The following HOOK1 variants were observed in gnomAD, a reference collection of about 807,000 sequenced individuals.
The protein encoded by HOOK1 is protein Hook homolog 1.
In HOOK1, 60 loss-of-function variants were observed where a neutral mutation model predicts 112.8. That is an observed-to-expected ratio of 0.53 (90% confidence interval 0.43 to 0.66). The LOEUF (loss-of-function observed/expected upper bound fraction) is 0.66. Ranked by LOEUF, HOOK1 falls within the 30% of genes least tolerant of loss-of-function variation. The probability of loss-of-function intolerance (pLI) is 0.00; values close to 1 mark genes in which losing one functional copy is unlikely to be tolerated. For synonymous variants in HOOK1, 294 were observed against 283.8 expected, an observed-to-expected ratio of 1.04 and a Z score of -0.36; for missense variants, 770 against 856.0, an observed-to-expected ratio of 0.90 and a Z score of 1.25.
intron 15 of HOOK1, among the ~76,000 whole-genome samples, chr1:59,861,056 G>A (rs1027443064): frequency 3.3e-5 from 5 of 151,870 alleles, no homozygotes; most frequent in Admixed American, 6.6e-5. Flanking sequence ...GATTACAGGC[G>A]TGAGCCACCA....
chr1:59,834,788 T>C (rs1574188094), intron 5 of HOOK1, among the ~76,000 whole-genome samples: 1 of 152,140 alleles, frequency 6.6e-6, no homozygotes, highest in African/African-American at 2.4e-5. Flanking sequence ...TTAGTCTTTT[T>C]TAAAGAGCCA....
chr1:59,864,582 G>A (rs775333751), intron 16 of HOOK1, 50 bp from the exon 17 acceptor site: 1 of 1,151,108 alleles, frequency 8.7e-7, no homozygotes, highest in Non-Finnish European at 1.3e-6. Context: ...CTGGAAAATT[G>A]ACCTTTGTCA....
chr1:59,821,873 A>T lies in HOOK1; in HGVS notation c.79A>T (p.Thr27Ser). The change falls in exon 2 of 22, where the codon ACT becomes TCT. Residue 27 changes from threonine to serine, a missense_variant. Thr to Ser is a moderately conservative substitution (Grantham distance 58, BLOSUM62 1). This residue lies in a region of HOOK1 where 655 missense variants were observed against 725.9 expected (regional missense o/e 0.90). Transcript: ENST00000371208. ...SLMIWLQTFN[T>S]ASPCQDVKQL... ...GTCATTTTAGCTGCAGACATTCAAT[A>T]CTGCCTCACCTTGTCAAGATGTCAA... is the stretch of plus-strand genomic sequence containing the variant. 6.2e-7 allele frequency: 1 copy of T among 1,600,148 alleles called. No individual in the cohort carries two copies. The highest frequency in any genetic ancestry group is 8.5e-7 in the Non-Finnish European group (1 of 1,174,930).
intron 3 of HOOK1, 28 bp downstream of exon 3, chr1:59,828,880 T>A: frequency 6.4e-7 from 1 of 1,554,358 alleles, no homozygotes; most frequent in Non-Finnish European, 8.9e-7. Context: ...GAGAAGCACT[T>A]GATCCAAACA....
intron 12 of HOOK1, among the ~76,000 whole-genome samples, chr1:59,854,386 G>A (rs2098409441): frequency 6.6e-6 from 1 of 151,878 alleles, no homozygotes; most frequent in African/African-American, 2.4e-5. Context: ...ACCTCTGTTG[G>A]TGGTGTTTCT....
intron 8 of HOOK1, among the ~76,000 whole-genome samples, chr1:59,840,940 C>T (rs1230977404): frequency 6.6e-6 from 1 of 152,140 alleles, no homozygotes; most frequent in Non-Finnish European, 1.5e-5. Context: ...GTTAGATTGT[C>T]AAACCAGGCT....
In HOOK1 at chr1:59,862,893, A is replaced by G. The variant is rs112586917; in HGVS notation, c.1626+16A>G. On this transcript the variant is annotated intron_variant, in intron 16 of 21. Coordinates refer to ENST00000371208, the MANE Select transcript of HOOK1 (RefSeq NM_015888.6). ...AGGCGAAAGTGTAAGTAACTTAGAA[A>G]TTATAATAATTCTGCTGTGTATGGC... 10 of 1,412,512 alleles carry G rather than the reference A, an allele frequency of 7.1e-6. No individual in the cohort carries two copies. In the African/African-American group the frequency reaches 1.3e-4, roughly 18 times the overall value. The allele number at this position is 1,412,512 out of a possible 1,614,324, so 87.5% of individuals were successfully genotyped here. A position where few individuals can be genotyped will look rare whatever the true frequency, so the allele number is the denominator to read the frequency against.
intron 10 of HOOK1, 117 bp from the exon 11 acceptor site, chr1:59,848,197 AC>A: frequency 1.5e-6 from 1 of 689,564 alleles, no homozygotes; most frequent in South Asian, 2.3e-5. Context: ...TCACTCACTC[AC>A]ATTTACTTTT....
At position 59,875,593 on chromosome 1, in the gene HOOK1, T is replaced by A. The variant is rs1644118470; in HGVS notation, c.*2628T>A. The A allele has an allele frequency of 6.6e-6, 1 of 152,416 alleles. No individual in the cohort carries two copies. The allele number at this position is 152,416 out of a possible 1,614,324, so 9.4% of individuals were successfully genotyped here. A position where few individuals can be genotyped will look rare whatever the true frequency, so the allele number is the denominator to read the frequency against. On this transcript the variant is annotated 3_prime_UTR_variant, in exon 22 of 22. Coordinates refer to ENST00000371208, the MANE Select transcript of HOOK1 (RefSeq NM_015888.6). ...GAGTACATATACCAATGAAGAGATA[T>A]TCAGCATTTGTCTATTTGATAAGGA... is the stretch of plus-strand genomic sequence containing the variant.
In HOOK1 at chr1:59,849,181, G is replaced by T. The variant is rs750788083; in HGVS notation, c.1240G>T (p.Glu414Ter). 1.1e-5 allele frequency: 17 copies of T among 1,578,620 alleles called. No individual in the cohort carries two copies. The highest frequency in any genetic ancestry group is 1.5e-5 in the Non-Finnish European group (17 of 1,150,514). Residue 414 changes from glutamate (E) to a stop codon, truncating the protein, a stop_gained and splice_region_variant, in exon 12 of 22, where the codon GAG becomes TAG. Coordinates refer to ENST00000371208, the MANE Select transcript of HOOK1 (RefSeq NM_015888.6). LOFTEE classifies it high-confidence loss of function. The part of the protein sequence containing the change: ...EKHEALLKEK[E>*]RLIEQRDTLK... ...ACATGAAGCTTTACTTAAGGAAAAAGAGGTAAACATAGATATAATTGATAA... is the reference window on the plus strand; with the variant it reads ...ACATGAAGCTTTACTTAAGGAAAAATAGGTAAACATAGATATAATTGATAA...
rs1559045252 is a variant in HOOK1, at chr1:59,828,788, CT to C, written c.160del (p.Trp54GlyfsTer7). ...TTTTGTTGTTGTTTCAGTGATGCAG[CT>C]TGGTTTAACGAATCTTGGTTAAGCC... ...MAQVLHQIDA[A>X]WFNESWLSRI... On this transcript the variant is annotated frameshift_variant, in exon 3 of 22. Transcript: ENST00000371208. LOFTEE classifies it high-confidence loss of function. The C allele has an allele frequency of 2.5e-6, 4 of 1,612,890 alleles. No homozygotes were observed. Among genetic ancestry groups the C allele is most frequent in the Non-Finnish European group, 3.4e-6 (4 of 1,179,442 alleles).
At chr1:59,832,686 A>G (rs1281724184) in intron 4 of HOOK1, among the ~76,000 whole-genome samples, 1 of 152,070 alleles carries the variant, frequency 6.6e-6, no homozygotes, top group East Asian at 1.9e-4. Flanking sequence ...GTTTTTTCTT[A>G]TTCAGCATCA....
chr1:59,827,322 A>T (rs1252338020), intron 2 of HOOK1, among the ~76,000 whole-genome samples: 1 of 152,204 alleles, frequency 6.6e-6, no homozygotes, highest in African/African-American at 2.4e-5. Flanking sequence ...TATCATCTAG[A>T]AAATATCTTC....
chr1:59,820,975 C>A (rs1254820663), intron 1 of HOOK1, among the ~76,000 whole-genome samples: 1 of 152,094 alleles, frequency 6.6e-6, no homozygotes, highest in Non-Finnish European at 1.5e-5. Context: ...TCTGAAAATG[C>A]ACAGAACCAT....
intron 2 of HOOK1, among the ~76,000 whole-genome samples, chr1:59,827,720 G>A (rs2098390997): frequency 6.6e-6 from 1 of 151,514 alleles, no homozygotes; most frequent in South Asian, 2.1e-4. Flanking sequence ...TGAAAGTAGT[G>A]AAGCCATTTT....
intron 15 of HOOK1, among the ~76,000 whole-genome samples, chr1:59,861,358 T>C (rs529327836): frequency 1.3e-5 from 2 of 152,338 alleles, no homozygotes; most frequent in Admixed American, 1.3e-4. Flanking sequence ...ATCCCACTTC[T>C]AATTTAACTT....
rs1275339686 is a variant in HOOK1, at chr1:59,875,651, A to G, written c.*2686A>G. On this transcript the variant is annotated 3_prime_UTR_variant, in exon 22 of 22. Transcript: ENST00000371208. ...GTCCTAGTGATTATAAAGTAAAACCACAGACCAATTTGCAAATGATCTTCA... is the reference window on the plus strand; with the variant it reads ...GTCCTAGTGATTATAAAGTAAAACCGCAGACCAATTTGCAAATGATCTTCA... The G allele has an allele frequency of 6.6e-6, 1 of 152,248 alleles. No homozygotes were observed. The highest frequency in any genetic ancestry group is 6.5e-5 in the Admixed American group (1 of 15,284). 9.4% of individuals were successfully genotyped at this position (152,248 alleles called of 1,614,324 possible). A position where few individuals can be genotyped will look rare whatever the true frequency, so the allele number is the denominator to read the frequency against.
intron 20 of HOOK1, among the ~76,000 whole-genome samples, chr1:59,870,237 T>C (rs1644034581): frequency 6.6e-6 from 1 of 152,206 alleles, no homozygotes; most frequent in African/African-American, 2.4e-5. Context: ...TCCCTGTAAC[T>C]ATAAGACTCT....
chr1:59,859,066 G>T (rs2098412180), intron 14 of HOOK1, 21 bp downstream of exon 14: 8 of 1,261,892 alleles, frequency 6.3e-6, no homozygotes, highest in South Asian at 3.2e-5. Context: ...TTCATAATTT[G>T]ATAGAATTAT....
Sources: gnomAD v4.1 joint callset for allele counts (sites outside exome capture counted in the v4.1 genomes callset) on GRCh38, gnomAD v4.1.1 for gene constraint, gnomAD v4.1.1 regional missense constraint, MANE v1.5 for transcripts, NCBI Gene and HGNC (gene_info 2026-07-23, HGNC 2026-07-21) for gene names.